ERAP2: variants seen among roughly 807,000 people sequenced by gnomAD.
The protein encoded by ERAP2 is leukocyte-derived arginine aminopeptidase.
A neutral mutation model predicts 111.1 loss-of-function variants in ERAP2; 118 were observed. That is an observed-to-expected ratio of 1.06 (90% CI 0.92 to 1.24). The LOEUF (loss-of-function observed/expected upper bound fraction) is 1.24. Ranked by LOEUF, ERAP2 falls within the 50% of genes most tolerant of loss-of-function variation. The probability of loss-of-function intolerance (pLI) is 0.00; values close to 1 mark genes in which losing one functional copy is unlikely to be tolerated. For synonymous variants in ERAP2, 410 were observed against 401.2 expected, an observed-to-expected ratio of 1.02 and a Z score of -0.26; for missense variants, 1,131 against 1,125.8, an observed-to-expected ratio of 1.00 and a Z score of -0.07.
At chr5:96,900,700 A>G (rs1785355142) in intron 10 of ERAP2, among the ~76,000 whole-genome samples, 1 of 152,108 alleles carries the variant, frequency 6.6e-6, no homozygotes, top group Non-Finnish European at 1.5e-5. Flanking sequence ...TATTTTAGAC[A>G]AAGTCTCACT....
Position 96,912,818 on chromosome 5 carries a change from T to C in ERAP2, c.2516+20T>C. 1 of 1,572,724 alleles carries C rather than the reference T, an allele frequency of 6.4e-7. No individual in the cohort carries two copies. Among genetic ancestry groups the C allele is most frequent in the South Asian group, 1.2e-5 (1 of 84,554 alleles). On this transcript the variant is annotated intron_variant, in intron 16 of 18. Coordinates refer to ENST00000437043, the MANE Select transcript of ERAP2 (RefSeq NM_022350.5). ...ACTGAAGTAAGTTCAATAATTTAACTAAATTGTTATAAGTAAACTGACACA... is the reference window on the plus strand; with the variant it reads ...ACTGAAGTAAGTTCAATAATTTAACCAAATTGTTATAAGTAAACTGACACA...
intron 4 of ERAP2, among the ~76,000 whole-genome samples, chr5:96,888,453 C>A (rs1184110553): frequency 6.6e-6 from 1 of 152,188 alleles, no homozygotes. Context: ...TAAAATGGCA[C>A]CTGCTTCATA....
At chr5:96,900,222 A>C (rs762404901) in intron 10 of ERAP2, 33 bp downstream of exon 10, 1 of 1,612,264 alleles carries the variant, frequency 6.2e-7, no homozygotes, top group Admixed American at 1.7e-5. Flanking sequence ...AGTAGAAGAG[A>C]TCTGTGGAAT....
At chr5:96,880,683 A>G (rs2549779) in intron 2 of ERAP2, among the ~76,000 whole-genome samples, 79,088 of 152,014 alleles carry the variant, frequency 0.52, 20,757 homozygotes, top group South Asian at 0.61. Flanking sequence ...CATGACTCAT[A>G]TCGAATAGTC....
chr5:96,889,057 A>G, intron 4 of ERAP2, 128 bp from the exon 5 acceptor site: 1 of 1,127,008 alleles, frequency 8.9e-7, no homozygotes, highest in Non-Finnish European at 1.3e-6. Context: ...TATTGACAAC[A>G]TGCTTAATGG....
chr5:96,892,348 C>A lies in ERAP2; in HGVS notation c.1020C>A (p.Gly340=). The A allele has an allele frequency of 2.5e-6, 4 of 1,613,902 alleles. No homozygotes were observed. Among genetic ancestry groups the A allele is most frequent in the East Asian group, 2.2e-5 (1 of 44,878 alleles). The change falls in exon 6 of 19, where the codon GGC becomes GGA. Residue 340 remains glycine (G), a synonymous_variant. Coordinates refer to ENST00000437043, the MANE Select transcript of ERAP2 (RefSeq NM_022350.5). ...DFAPGAMENW[G]LITYRETSLL... is the part of the protein sequence containing the mutation. ...CACCTGGAGCCATGGAAAATTGGGGCCTCATTACATATAGGGAGACGTCAC... is the reference window on the plus strand; with the variant it reads ...CACCTGGAGCCATGGAAAATTGGGGACTCATTACATATAGGGAGACGTCAC...
Position 96,903,384 on chromosome 5 carries a change from G to A in ERAP2, c.1836G>A (p.Leu612=). ...RHILKSKTDT[L]DLPEKTSWVK... ...CCAATCTTATCCTCTTAGATACTCTGGATCTACCTGAAAAGACCAGTTGGG... is the reference window on the plus strand; with the variant it reads ...CCAATCTTATCCTCTTAGATACTCTAGATCTACCTGAAAAGACCAGTTGGG... Residue 612 remains leucine (L), a synonymous_variant, in exon 13 of 19, where the codon CTG becomes CTA. Coordinates refer to ENST00000437043, the MANE Select transcript of ERAP2 (RefSeq NM_022350.5). 1 of 1,611,648 alleles carries A rather than the reference G, an allele frequency of 6.2e-7. No homozygotes were observed.
Position 96,916,548 on chromosome 5 carries a change from C to T in ERAP2, c.2739+779C>T, listed in dbSNP as rs866085616. ...TTGCGATCTCGGCTCACTGCAAGCTCCGCCTCCCAGGTTCACGCCATTCTC... is the reference window on the plus strand; with the variant it reads ...TTGCGATCTCGGCTCACTGCAAGCTTCGCCTCCCAGGTTCACGCCATTCTC... On this transcript the variant is annotated intron_variant, in intron 18 of 18. Coordinates refer to ENST00000437043, the MANE Select transcript of ERAP2 (RefSeq NM_022350.5). Among the ~76,000 whole-genome samples the T allele has an allele frequency of 9.5e-5, 14 of 148,102 alleles. 1 individual carries two copies. Among genetic ancestry groups the T allele is most frequent in the Middle Eastern group, 3.5e-3 (1 of 284 alleles).
intron 15 of ERAP2, among the ~76,000 whole-genome samples, chr5:96,912,103 T>C (rs13187896): frequency 7.0e-6 from 1 of 142,118 alleles, no homozygotes; most frequent in African/African-American, 2.6e-5. Flanking sequence ...GGCAGGAGAA[T>C]GGTGTGAACC....
At chr5:96,887,168 T>TA (rs1783843031) in intron 4 of ERAP2, among the ~76,000 whole-genome samples, 1 of 150,896 alleles carries the variant, frequency 6.6e-6, no homozygotes, top group African/African-American at 2.4e-5. Context: ...TGACTATTTT[T>TA]AACCCATTTT....
At chr5:96,913,575 G>GTA in intron 17 of ERAP2, 118 bp downstream of exon 17, 1 of 1,207,948 alleles carries the variant, frequency 8.3e-7, no homozygotes, top group Non-Finnish European at 1.2e-6. Flanking sequence ...TATCCAAATA[G>GTA]TTCAGTGGAG....
At chr5:96,913,262 A>G in intron 16 of ERAP2, 55 bp from the exon 17 acceptor site, 5 of 1,421,256 alleles carry the variant, frequency 3.5e-6, no homozygotes, top group Non-Finnish European at 4.9e-6. Context: ...GCTTGAGTTA[A>G]TGTCCATGTA....
intron 5 of ERAP2, 114 bp downstream of exon 5, chr5:96,889,419 T>C: frequency 8.3e-7 from 1 of 1,207,928 alleles, no homozygotes; most frequent in Non-Finnish European, 1.2e-6. Flanking sequence ...TTCAGTTAGC[T>C]CAGGAAAAAA....
intron 17 of ERAP2, among the ~76,000 whole-genome samples, chr5:96,915,316 T>C (rs922661340): frequency 6.6e-6 from 1 of 152,210 alleles, no homozygotes; most frequent in African/African-American, 2.4e-5. Flanking sequence ...GCCCATATAA[T>C]TTATAAATAA....
Position 96,915,682 on chromosome 5 carries a change from T to G in ERAP2, c.2658-6T>G. 1 of 1,508,666 alleles carries G rather than the reference T, an allele frequency of 6.6e-7. No individual in the cohort carries two copies. Among genetic ancestry groups the G allele is most frequent in the Non-Finnish European group, 8.9e-7 (1 of 1,128,172 alleles). The allele number at this position is 1,508,666 out of a possible 1,614,324, so 93.5% of individuals were successfully genotyped here. Reference sequence around the variant, plus strand: ...GACTTTCTATGGTGTTTCTTTTTATTTTCAGATTTGACTTGGGCTCATATG... The same window carrying G: ...GACTTTCTATGGTGTTTCTTTTTATGTTCAGATTTGACTTGGGCTCATATG... On this transcript the variant is annotated splice_region_variant and splice_polypyrimidine_tract_variant and intron_variant, in intron 17 of 18. Transcript: ENST00000437043.
intron 6 of ERAP2, among the ~76,000 whole-genome samples, chr5:96,893,864 T>C (rs1784617146): frequency 6.6e-6 from 1 of 152,176 alleles, no homozygotes; most frequent in Non-Finnish European, 1.5e-5. Context: ...ACACCTAAGC[T>C]TTAGCCATCC....
chr5:96,905,307 A>G (rs550882316), intron 13 of ERAP2, among the ~76,000 whole-genome samples: 2 of 152,338 alleles, frequency 1.3e-5, no homozygotes, highest in East Asian at 1.9e-4. Context: ...TGCGAAGGGG[A>G]AACAAAAACC....
intron 4 of ERAP2, among the ~76,000 whole-genome samples, chr5:96,888,482 A>G (rs1239985132): frequency 6.6e-6 from 1 of 152,228 alleles, no homozygotes; most frequent in Non-Finnish European, 1.5e-5. Context: ...ACAAGTATTA[A>G]ATTAGATTTT....
intron 10 of ERAP2, 50 bp downstream of exon 10, chr5:96,900,239 A>T: frequency 6.2e-7 from 1 of 1,610,010 alleles, no homozygotes. Flanking sequence ...GAATAGCCTG[A>T]CCTAGAGTGA....
Sources: gnomAD v4.1 joint callset for allele counts (sites outside exome capture counted in the v4.1 genomes callset) on GRCh38, gnomAD v4.1.1 for gene constraint, MANE v1.5 for transcripts, NCBI Gene and HGNC (gene_info 2026-07-23, HGNC 2026-07-21) for gene names.